The following ACTR8 variants were observed in gnomAD, a reference collection of about 807,000 sequenced individuals.
ACTR8 encodes the protein actin-related protein 8.
In ACTR8, 70 loss-of-function variants were observed where a neutral mutation model predicts 84.3. The observed-to-expected ratio is 0.83, with a 90% CI of 0.68 to 1.01. The LOEUF is 1.01. ACTR8 is among the 50% of genes least tolerant of loss of function. The probability of loss-of-function intolerance (pLI) is 0.00; values close to 1 mark genes in which losing one functional copy is unlikely to be tolerated. For synonymous variants in ACTR8, 268 were observed against 275.2 expected (o/e 0.97, Z 0.26); for missense variants, 672 against 775.4 (o/e 0.87, Z 1.58).
At chr3:53,864,702 C>T (rs747212721), downstream of ACTR8, 7 of 1,382,318 alleles carry the variant, frequency 5.1e-6, no homozygotes, top group Non-Finnish European at 7.0e-6. Flanking sequence ...TGAAAGCCTG[C>T]TGTTTGCTGT....
chr3:53,877,768 T>C lies in ACTR8; in HGVS notation c.406-17A>G. The C allele has an allele frequency of 1.9e-6, 3 of 1,606,156 alleles. No homozygotes were observed. The South Asian group carries it at 3.3e-5, about 18-fold the overall frequency. On this transcript the variant is annotated splice_polypyrimidine_tract_variant and intron_variant, in intron 3 of 12. Coordinates refer to ENST00000335754, the MANE Select transcript of ACTR8 (RefSeq NM_022899.5). ...GGAGCGTGCCTGAAAAGAAAAACCA[T>C]CAGAAAATTATCTCAATTTATTCAA...
rs937850666 is a variant in ACTR8 at position 53,876,160 on chromosome 3, G to A, written c.779-80C>T. 93 of 1,526,042 alleles carry A rather than the reference G, an allele frequency of 6.1e-5. No individual in the cohort carries two copies. In the African/African-American group the frequency reaches 8.6e-4, roughly 14 times the overall value. The allele number at this position is 1,526,042 out of a possible 1,614,324, so 94.5% of individuals were successfully genotyped here. On this transcript the variant is annotated intron_variant, in intron 6 of 12. Coordinates refer to ENST00000335754, the MANE Select transcript of ACTR8 (RefSeq NM_022899.5). ...CCCAAAACAGATAATCAGCTGAAGC[G>A]GGGAGCCTAGGGACCTCTGGGCAGG...
chr3:53,877,285 G>T lies in ACTR8; in HGVS notation c.613C>A (p.Leu205Met), dbSNP rs754448754. 13 of 1,613,960 alleles carry T rather than the reference G, an allele frequency of 8.1e-6. 1 individual carries two copies. Among genetic ancestry groups the T allele is most frequent in the South Asian group, 5.5e-5 (5 of 91,048 alleles). The change falls in exon 5 of 13, where the codon CTG (leucine) becomes ATG (methionine). Residue 205 changes from leucine to methionine, a missense_variant. By Grantham distance (15) the Leu-to-Met change is conservative. Coordinates refer to ENST00000335754, the MANE Select transcript of ACTR8 (RefSeq NM_022899.5). Reference protein sequence around the residue: ...PGPGGSLTAVLADIEVIWSHA... With the variant: ...PGPGGSLTAVMADIEVIWSHA... ...GACCATATTACTTCAATATCTGCCA[G>T]AACAGCTGTAAGAGAGCCCCCAGGG... is the stretch of plus-strand genomic sequence containing the variant.
chr3:53,865,833 C>T (rs1474962617), downstream of ACTR8: 1 of 152,568 alleles, frequency 6.6e-6, no homozygotes, highest in Non-Finnish European at 1.5e-5. Flanking sequence ...TGTGTAACCA[C>T]TTGTATGATT....
intron 7 of ACTR8, 36 bp downstream of exon 7, chr3:53,875,912 G>T (rs1014207287): frequency 1.2e-6 from 2 of 1,613,136 alleles, no homozygotes; most frequent in East Asian, 4.5e-5. Flanking sequence ...TATGAGGGAA[G>T]AGGAAACAGG....
intron 12 of ACTR8, among the ~76,000 whole-genome samples, chr3:53,869,095 C>G (rs1699844219): frequency 6.6e-6 from 1 of 152,332 alleles, no homozygotes; most frequent in East Asian, 1.9e-4. Context: ...TCCTGGCTAA[C>G]ACGGTGGAAT....
downstream of ACTR8, chr3:53,864,696 A>G (rs758176231): frequency 6.6e-6 from 9 of 1,357,816 alleles, no homozygotes; most frequent in Non-Finnish European, 1.0e-6. Context: ...ACAGAGTGAA[A>G]GCCTGCTGTT....
At position 53,877,762 on chromosome 3, in the gene ACTR8, A is replaced by G; in HGVS notation, c.406-11T>C. ...ATTGTAGGAGCGTGCCTGAAAAGAA[A>G]AACCATCAGAAAATTATCTCAATTT... On this transcript the variant is annotated splice_polypyrimidine_tract_variant and intron_variant, in intron 3 of 12. Coordinates refer to ENST00000335754, the MANE Select transcript of ACTR8 (RefSeq NM_022899.5). 1 of 1,609,198 alleles carries G rather than the reference A, an allele frequency of 6.2e-7. No homozygotes were observed. The highest frequency in any genetic ancestry group is 1.1e-5 in the South Asian group (1 of 90,838).
intron 12 of ACTR8, among the ~76,000 whole-genome samples, 185 bp from the exon 13 acceptor site, chr3:53,869,047 C>T (rs531238979): frequency 1.3e-5 from 2 of 152,284 alleles, no homozygotes; most frequent in East Asian, 1.9e-4. Context: ...TTTGGGAGGC[C>T]GAGGCGGGCA....
At chr3:53,860,231 A>G in the ACTR8 span, 1 of 1,606,706 alleles carries the variant, frequency 6.2e-7, no homozygotes, top group African/African-American at 1.3e-5. Context: ...GAGGCACGGT[A>G]AGGGTTATAA....
the ACTR8 span, chr3:53,860,710 G>A: frequency 1.3e-5 from 2 of 151,962 alleles, no homozygotes; most frequent in Non-Finnish European, 2.9e-5. Flanking sequence ...TTGGAGATTT[G>A]TATCACTTTG....
At chr3:53,864,401 G>A (rs537158712), downstream of ACTR8, among the ~76,000 whole-genome samples, 7 of 152,292 alleles carry the variant, frequency 4.6e-5, no homozygotes, top group African/African-American at 1.4e-4. Context: ...CAGGCGTGGT[G>A]GCGGGCGCCT....
At chr3:53,875,659 G>A (rs1055701002) in intron 7 of ACTR8, among the ~76,000 whole-genome samples, 3 of 152,202 alleles carry the variant, frequency 2.0e-5, no homozygotes, top group South Asian at 2.1e-4. Context: ...CTAAAGACAC[G>A]AAGCTACTGT....
At chr3:53,859,586 A>G in the ACTR8 span, 3 of 152,626 alleles carry the variant, frequency 2.0e-5, no homozygotes, top group Admixed American at 6.5e-5. Flanking sequence ...TGTCATCTAT[A>G]TGTGCTATGT....
At chr3:53,881,833 G>C in intron 1 of ACTR8, 146 bp downstream of exon 1, 8 of 1,362,126 alleles carry the variant, frequency 5.9e-6, no homozygotes, top group African/African-American at 1.5e-5. Flanking sequence ...GCCACCACCC[G>C]GAAAAGAACG....
intron 8 of ACTR8, 28 bp from the exon 9 acceptor site, chr3:53,873,155 G>A: frequency 6.5e-7 from 1 of 1,527,674 alleles, no homozygotes; most frequent in African/African-American, 1.4e-5. Flanking sequence ...TGCTGTCAGT[G>A]AATCAGTAAG....
Position 53,882,059 on chromosome 3 carries a change from TCTC to T in ACTR8, c.40_42del (p.Glu14del). The T allele has an allele frequency of 3.9e-6, 6 of 1,551,602 alleles. No individual in the cohort carries two copies. The highest frequency in any genetic ancestry group is 5.2e-6 in the Non-Finnish European group (6 of 1,146,868). On this transcript the variant is annotated inframe_deletion, in exon 1 of 13. Coordinates refer to ENST00000335754, the MANE Select transcript of ACTR8 (RefSeq NM_022899.5). The stretch of plus-strand genomic sequence containing the variant: ...TGCTCCTTCTCCTTCTCGCCGCCCT[TCTC>T]CTTTCCGTTCTCCGTATCACCCTTC...
At chr3:53,877,626 T>A (rs776324329) in intron 4 of ACTR8, 21 bp downstream of exon 4, 1 of 1,592,826 alleles carries the variant, frequency 6.3e-7, no homozygotes, top group African/African-American at 1.3e-5. Flanking sequence ...TCTTTCATTC[T>A]ATTGTAAAGA....
At chr3:53,872,307 C>A (rs2289204) in intron 10 of ACTR8, 77 bp downstream of exon 10, 94,083 of 1,412,846 alleles carry the variant, frequency 0.067, 4,417 homozygotes, top group East Asian at 0.19. Context: ...GAACTGATTA[C>A]AATGGCCTAT....
Sources: gnomAD v4.1 joint callset for allele counts (sites outside exome capture counted in the v4.1 genomes callset) on GRCh38, gnomAD v4.1.1 for gene constraint, MANE v1.5 for transcripts, NCBI Gene and HGNC (gene_info 2026-07-23, HGNC 2026-07-21) for gene names.